JMJD7: variants seen among roughly 807,000 people sequenced by gnomAD.
JMJD7 encodes jumonji domain containing 7.
Under a neutral mutation model 41.1 loss-of-function variants are expected in JMJD7, and 41 were observed. The observed-to-expected ratio is 1.00, with a 90% CI of 0.78 to 1.30. JMJD7 has a LOEUF of 1.30. JMJD7 is among the 50% of genes most tolerant of loss of function. The pLI, the probability that JMJD7 is intolerant of heterozygous loss-of-function variation, is 0.00. For missense variants in JMJD7, 480 were observed against 420.7 expected, an observed-to-expected ratio of 1.14 and a Z score of -1.23; for synonymous variants, 202 against 177.2, an observed-to-expected ratio of 1.14 and a Z score of -1.11.
Position 41,835,153 on chromosome 15 carries a change from C to T in JMJD7, c.402C>T (p.Asn134=). 2 of 1,606,678 alleles carry T rather than the reference C, an allele frequency of 1.2e-6. No individual in the cohort carries two copies. The highest frequency in any genetic ancestry group is 1.7e-6 in the Non-Finnish European group (2 of 1,179,990). The change falls in exon 3 of 8, where the codon AAC becomes AAT. Residue 134 remains asparagine (N), a synonymous_variant. Coordinates refer to ENST00000397299, the MANE Select transcript of JMJD7 (RefSeq NM_001114632.2). ...TCTATGTGCAGAAGCAGTGCTCCAA[C>T]CTGCCCAGCGAGCTGCCCCAGCTGC... is the stretch of plus-strand genomic sequence containing the variant. ...GVLYVQKQCS[N]LPSELPQLLP... is the part of the protein sequence containing the mutation.
intron 1 of JMJD7, among the ~76,000 whole-genome samples, chr15:41,830,929 C>G (rs1269921637): frequency 6.6e-6 from 1 of 152,232 alleles, no homozygotes; most frequent in African/African-American, 2.4e-5. Context: ...TTGGCACAAA[C>G]AGCTTGGGTG....
intron 1 of JMJD7, among the ~76,000 whole-genome samples, chr15:41,830,397 C>G (rs561535283): frequency 6.6e-6 from 1 of 152,218 alleles, no homozygotes. Flanking sequence ...GCACCTTGCC[C>G]GCCGCCGCTG....
At chr15:41,833,570 G>A (rs2065265443) in intron 1 of JMJD7, among the ~76,000 whole-genome samples, 1 of 151,510 alleles carries the variant, frequency 6.6e-6, no homozygotes, top group Non-Finnish European at 1.5e-5. Context: ...ATAGGTGCAT[G>A]CCACCATGTC....
At chr15:41,833,414 ATTTTTT>A (rs67111164) in intron 1 of JMJD7, among the ~76,000 whole-genome samples, 20 of 32,012 alleles carry the variant, frequency 6.2e-4, no homozygotes, top group African/African-American at 1.6e-3. Context: ...ATATATATAT[ATTTTTT>A]TTTTTTTTTT....
At chr15:41,835,750 T>TAG (rs1290451092) in intron 4 of JMJD7, 106 bp downstream of exon 4, 6 of 1,368,444 alleles carry the variant, frequency 4.4e-6, no homozygotes, top group Non-Finnish European at 4.9e-6. Context: ...GTTGGGCTGT[T>TAG]CTCTAAGATT....
In JMJD7 at chr15:41,835,653, A is replaced by G; in HGVS notation, c.529+9A>G. 6.2e-7 allele frequency: 1 copy of G among 1,612,464 alleles called. No homozygotes were observed. The highest frequency in any genetic ancestry group is 1.7e-4 in the Middle Eastern group (1 of 6,042). ...GGCTGCAGTGACTTCTTGTAGGTGT[A>G]AGGGGAATACAAAGGTGGGGAAGGA... On this transcript the variant is annotated intron_variant, in intron 4 of 7. Transcript: ENST00000397299.
chr15:41,836,010 C>T (rs950076781), intron 4 of JMJD7, 138 bp from the exon 5 acceptor site: 17 of 898,262 alleles, frequency 1.9e-5, no homozygotes, highest in Admixed American at 1.2e-4. Flanking sequence ...CCCCTGGCAT[C>T]TCCAGCCCAC....
At chr15:41,832,578 A>T (rs982333826) in intron 1 of JMJD7, 9 of 152,300 alleles carry the variant, frequency 5.9e-5, no homozygotes, top group African/African-American at 2.2e-4. Flanking sequence ...CCTGGATTCC[A>T]TATCTACTGG....
At chr15:41,830,501 T>G (rs912904820) in intron 1 of JMJD7, among the ~76,000 whole-genome samples, 1 of 152,166 alleles carries the variant, frequency 6.6e-6, no homozygotes, top group Admixed American at 6.5e-5. Flanking sequence ...CCCTTCCAAG[T>G]TGGTGGAGTG....
chr15:41,837,031 A>T, intron 7 of JMJD7, 37 bp from the exon 8 acceptor site: 4 of 1,605,912 alleles, frequency 2.5e-6, no homozygotes, highest in Middle Eastern at 1.7e-4. Context: ...AGGTCAGAAG[A>T]GGGATCTTCA....
At chr15:41,831,285 C>G (rs572149628) in intron 1 of JMJD7, among the ~76,000 whole-genome samples, 1 of 152,184 alleles carries the variant, frequency 6.6e-6, no homozygotes, top group African/African-American at 2.4e-5. Flanking sequence ...GCCAGGGAAG[C>G]AAGCAGGCAT....
intron 1 of JMJD7, among the ~76,000 whole-genome samples, chr15:41,833,948 A>G (rs1321210735): frequency 6.6e-6 from 1 of 152,190 alleles, no homozygotes; most frequent in Admixed American, 6.5e-5. Context: ...GACAGAATCA[A>G]CAGGACTCAG....
chr15:41,828,776 C>G (rs1224868704), intron 1 of JMJD7, among the ~76,000 whole-genome samples: 1 of 152,198 alleles, frequency 6.6e-6, no homozygotes, highest in Non-Finnish European at 1.5e-5. Context: ...CCCCAGTTTG[C>G]ATTCTTACAG....
intron 4 of JMJD7, 125 bp downstream of exon 4, chr15:41,835,769 C>T (rs1351550720): frequency 1.6e-6 from 2 of 1,225,980 alleles, no homozygotes; most frequent in South Asian, 1.6e-5. Context: ...TTTCTTTTGG[C>T]TTCTAGGACT....
At chr15:41,836,978 T>C (rs890504) in intron 7 of JMJD7, 38 bp downstream of exon 7, 854,778 of 1,608,148 alleles carry the variant, frequency 0.53, 229,322 homozygotes, top group South Asian at 0.57. Flanking sequence ...AGAGGCCCTG[T>C]CAAGGTCCAG....
At position 41,837,060 on chromosome 15, in the gene JMJD7, TC is replaced by T. The variant is rs766133103; in HGVS notation, c.863-5del. 1 of 1,612,438 alleles carries T rather than the reference TC, an allele frequency of 6.2e-7. No homozygotes were observed. Among genetic ancestry groups the T allele is most frequent in the Non-Finnish European group, 8.5e-7 (1 of 1,178,604 alleles). On this transcript the variant is annotated splice_polypyrimidine_tract_variant and splice_region_variant and intron_variant, in intron 7 of 7. Transcript: ENST00000397299. Reference sequence around the variant, plus strand: ...ATCTTCATGCTCAGATCCCCGTTCTTCCCACAGTGAATTTCTGGTATGACAT... The same window carrying T: ...ATCTTCATGCTCAGATCCCCGTTCTTCCACAGTGAATTTCTGGTATGACAT...
At position 41,828,577 on chromosome 15, in the gene JMJD7, C is replaced by T. The variant is rs548454073; in HGVS notation, c.64+389C>T. 119 of 195,278 alleles carry T rather than the reference C, an allele frequency of 6.1e-4. 1 individual carries two copies. The highest frequency in any genetic ancestry group is 4.5e-3 in the South Asian group (24 of 5,338). 12.1% of individuals were successfully genotyped at this position (195,278 alleles called of 1,614,324 possible). A position where few individuals can be genotyped will look rare whatever the true frequency, so the allele number is the denominator to read the frequency against. On this transcript the variant is annotated intron_variant, in intron 1 of 7. Transcript: ENST00000397299. ...CACTTTGGGAGGATTGCAGGCTGACCAAATGGTCCCTGGCTCTTCCCCTGC... is the reference window on the plus strand; with the variant it reads ...CACTTTGGGAGGATTGCAGGCTGACTAAATGGTCCCTGGCTCTTCCCCTGC...
intron 6 of JMJD7, 46 bp from the exon 7 acceptor site, chr15:41,836,735 C>G: frequency 6.4e-7 from 1 of 1,553,490 alleles, no homozygotes; most frequent in Non-Finnish European, 8.7e-7. Context: ...GCCTGAAGTC[C>G]TGGGGGGTCT....
Position 41,836,446 on chromosome 15 carries a change from C to G in JMJD7, c.626-29C>G, listed in dbSNP as rs557247289. On this transcript the variant is annotated intron_variant, in intron 5 of 7. Coordinates refer to ENST00000397299, the MANE Select transcript of JMJD7 (RefSeq NM_001114632.2). ...GGCAAGTTCCAGGCTGTTTGCAATTCCCCCACACCCTTCTCCCTTGGGCTC... is the reference window on the plus strand; with the variant it reads ...GGCAAGTTCCAGGCTGTTTGCAATTGCCCCACACCCTTCTCCCTTGGGCTC... 1.3e-5 allele frequency: 21 copies of G among 1,563,462 alleles called. No individual in the cohort carries two copies. In the South Asian group the frequency reaches 2.2e-4, roughly 17 times the overall value.
Sources: allele counts gnomAD v4.1 joint callset (sites outside exome capture counted in the v4.1 genomes callset), GRCh38; gene constraint gnomAD v4.1.1; transcripts MANE v1.5; gene names NCBI Gene and HGNC (gene_info 2026-07-23, HGNC 2026-07-21).